Variants in SMIM3 observed in about 807,000 individuals in gnomAD.
The protein encoded by SMIM3 is small integral membrane protein 3.
A neutral mutation model predicts 2.1 loss-of-function variants in SMIM3; 4 were observed. The ratio of observed to expected loss-of-function variants is 1.89; its 90% CI spans 0.93 to 4.31. SMIM3 has a LOEUF of 4.31. Among genes scored for constraint, SMIM3 ranks in the 30% most tolerant of loss-of-function variants. SMIM3 has a pLI of 0.01. For missense variants in SMIM3, 79 were observed against 77.7 expected (o/e 1.02, Z -0.06); for synonymous variants, 29 against 30.8 (o/e 0.94, Z 0.19).
chr5:150,782,576 G>A (rs796643162), intron 1 of SMIM3, among the ~76,000 whole-genome samples: 6 of 152,318 alleles, frequency 3.9e-5, no homozygotes, highest in African/African-American at 1.4e-4. Flanking sequence ...TGAAAGGCCA[G>A]TTCTCTTCTG....
chr5:150,783,754 C>T (rs1485653719), intron 1 of SMIM3, among the ~76,000 whole-genome samples: 1 of 152,046 alleles, frequency 6.6e-6, no homozygotes, highest in African/African-American at 2.4e-5. Context: ...AGTTGCAGCT[C>T]GGATGTGGAG....
intron 1 of SMIM3, among the ~76,000 whole-genome samples, chr5:150,779,217 A>G (rs1753206718): frequency 6.6e-6 from 1 of 151,626 alleles, no homozygotes; most frequent in South Asian, 2.1e-4. Flanking sequence ...GGCCTGGGGG[A>G]GGCGGAGCTT....
chr5:150,794,977 C>G (rs1301309168), intron 1 of SMIM3, among the ~76,000 whole-genome samples: 1 of 152,098 alleles, frequency 6.6e-6, no homozygotes, highest in Non-Finnish European at 1.5e-5. Flanking sequence ...GGACCAAAAA[C>G]AATGCATCTC....
At position 150,795,799 on chromosome 5, in the gene SMIM3, G is replaced by T; in HGVS notation, c.*176G>T. The T allele has an allele frequency of 6.1e-6, 4 of 656,566 alleles. No individual in the cohort carries two copies. The highest frequency in any genetic ancestry group is 3.6e-5 in the African/African-American group (2 of 54,868). 40.7% of individuals were successfully genotyped at this position (656,566 alleles called of 1,614,324 possible). A position where few individuals can be genotyped will look rare whatever the true frequency, so the allele number is the denominator to read the frequency against. On this transcript the variant is annotated 3_prime_UTR_variant, in exon 2 of 2. Coordinates refer to ENST00000526627, the MANE Select transcript of SMIM3 (RefSeq NM_032947.5). The stretch of plus-strand genomic sequence containing the variant: ...AAGGGACCTAACTCTCTGAGTTCCA[G>T]GTTCCTTATCTTTCAAATGGGGATG...
Position 150,787,237 on chromosome 5 carries a change from C to G in SMIM3, c.-11-8193C>G, listed in dbSNP as rs372888665. Among the ~76,000 whole-genome samples, 5 of 152,258 alleles carry G rather than the reference C, an allele frequency of 3.3e-5. No individual in the cohort carries two copies. The South Asian group carries it at 6.2e-4, about 19-fold the overall frequency. ...AAAAACCTAAATGAAGCTTAGAGTC[C>G]TGCTTTTTCTCAAGCAATGAAGACT... On this transcript the variant is annotated intron_variant, in intron 1 of 1. Transcript: ENST00000526627.
rs1424520695 is a variant in SMIM3 at position 150,778,818 on chromosome 5, G to C, written c.-166G>C. The C allele has an allele frequency of 2.1e-6, 1 of 473,826 alleles. No individual in the cohort carries two copies. The highest frequency in any genetic ancestry group is 4.4e-6 in the Non-Finnish European group (1 of 229,258). 29.4% of individuals were successfully genotyped at this position (473,826 alleles called of 1,614,324 possible). On this transcript the variant is annotated 5_prime_UTR_variant, in exon 1 of 2. Coordinates refer to ENST00000526627, the MANE Select transcript of SMIM3 (RefSeq NM_032947.5). ...GCGCTCTCCCGCCTCCCGGGGCTCG[G>C]AGGAGCCGGGGCACGTTCCAGGAGC...
At chr5:150,783,914 CTTTTTTTTTTTT>C (rs557905770) in intron 1 of SMIM3, among the ~76,000 whole-genome samples, 3 of 124,330 alleles carry the variant, frequency 2.4e-5, no homozygotes, top group Admixed American at 8.0e-5. Flanking sequence ...TTTGAACTCC[CTTTTTTTTTTTT>C]TTTTTTTTTT....
At chr5:150,794,945 G>C (rs901771332) in intron 1 of SMIM3, among the ~76,000 whole-genome samples, 10 of 152,236 alleles carry the variant, frequency 6.6e-5, no homozygotes, top group African/African-American at 2.4e-4. Flanking sequence ...CCCAGAAAGG[G>C]GAGAATGGGA....
chr5:150,785,538 C>T (rs1272926431), intron 1 of SMIM3, among the ~76,000 whole-genome samples: 1 of 147,750 alleles, frequency 6.8e-6, no homozygotes, highest in African/African-American at 2.5e-5. Flanking sequence ...TGTCTTATTT[C>T]TCTTTATCTT....
intron 1 of SMIM3, among the ~76,000 whole-genome samples, chr5:150,794,948 G>A (rs1231604993): frequency 6.6e-6 from 1 of 152,176 alleles, no homozygotes; most frequent in East Asian, 1.9e-4. Context: ...AGAAAGGGGA[G>A]AATGGGAGAA....
chr5:150,780,574 G>T (rs1037683798), intron 1 of SMIM3, among the ~76,000 whole-genome samples: 3 of 152,096 alleles, frequency 2.0e-5, no homozygotes. Flanking sequence ...CCAGAGAACA[G>T]CCAGAGAACC....
chr5:150,786,622 T>C (rs1753296535), intron 1 of SMIM3, among the ~76,000 whole-genome samples: 2 of 152,170 alleles, frequency 1.3e-5, no homozygotes, highest in African/African-American at 4.8e-5. Context: ...TGTTTATTCT[T>C]TCTTATAATT....
intron 1 of SMIM3, 61 bp downstream of exon 1, chr5:150,779,033 C>A: frequency 2.1e-6 from 1 of 468,548 alleles, no homozygotes; most frequent in South Asian, 1.6e-5. Flanking sequence ...TCTTCGGATT[C>A]GCGACCTACC....
chr5:150,790,326 T>A, intron 1 of SMIM3, among the ~76,000 whole-genome samples: 1 of 152,134 alleles, frequency 6.6e-6, no homozygotes, highest in East Asian at 1.9e-4. Flanking sequence ...GTTAAAGGGT[T>A]TACAGGAAAG....
intron 1 of SMIM3, among the ~76,000 whole-genome samples, chr5:150,789,086 G>A (rs979277762): frequency 6.6e-6 from 1 of 152,106 alleles, no homozygotes; most frequent in Non-Finnish European, 1.5e-5. Flanking sequence ...TCAGTGATAG[G>A]CATAAATTTG....
chr5:150,794,018 A>G (rs2113208000), intron 1 of SMIM3, among the ~76,000 whole-genome samples: 1 of 152,354 alleles, frequency 6.6e-6, no homozygotes, highest in East Asian at 1.9e-4. Flanking sequence ...AAGGACATGA[A>G]CAGACAATTC....
In SMIM3 at chr5:150,782,454, G is replaced by T. The variant is rs1753245661; in HGVS notation, c.-12+3482G>T. 2.0e-5 allele frequency among the ~76,000 whole-genome samples: 3 copies of T among 152,126 alleles called. No individual in the cohort carries two copies. The South Asian group carries it at 6.2e-4, about 32-fold the overall frequency. ...AACATCACTGCTCCCCTCACCCCTG[G>T]TCCCTCCTCCCCACCTCAGTCCCCA... On this transcript the variant is annotated intron_variant, in intron 1 of 1. Coordinates refer to ENST00000526627, the MANE Select transcript of SMIM3 (RefSeq NM_032947.5).
rs1371695050 is a variant in SMIM3 at position 150,778,840 on chromosome 5, G to C, written c.-144G>C. The stretch of plus-strand genomic sequence containing the variant: ...TCGGAGGAGCCGGGGCACGTTCCAG[G>C]AGCTGCCTAGGGCTGAGGTTCCAGG... On this transcript the variant is annotated 5_prime_UTR_variant, in exon 1 of 2. Coordinates refer to ENST00000526627, the MANE Select transcript of SMIM3 (RefSeq NM_032947.5). The C allele has an allele frequency of 8.3e-6, 4 of 479,716 alleles. No homozygotes were observed. The highest frequency in any genetic ancestry group is 3.1e-5 in the South Asian group (2 of 65,082). The allele number at this position is 479,716 out of a possible 1,614,324, so 29.7% of individuals were successfully genotyped here.
intron 1 of SMIM3, among the ~76,000 whole-genome samples, chr5:150,793,519 A>C (rs1561725330): frequency 6.6e-6 from 1 of 152,290 alleles, no homozygotes; most frequent in East Asian, 1.9e-4. Context: ...ATAAACCCAA[A>C]TACTTACAGC....
Sources: allele counts gnomAD v4.1 joint callset (sites outside exome capture counted in the v4.1 genomes callset), GRCh38; gene constraint gnomAD v4.1.1; transcripts MANE v1.5; gene names NCBI Gene and HGNC (gene_info 2026-07-23, HGNC 2026-07-21).